RIMS4: variants seen among roughly 807,000 people sequenced by gnomAD.
RIMS4 encodes regulating synaptic membrane exocytosis 4, also known as regulating synaptic membrane exocytosis protein 4.
A neutral mutation model predicts 29.0 loss-of-function variants in RIMS4; 9 were observed. That is an observed-to-expected ratio of 0.31 (90% CI 0.19 to 0.54). The LOEUF is 0.54. RIMS4 is among the 20% of genes least tolerant of loss of function. RIMS4 has a pLI of 0.94. For synonymous variants in RIMS4, 130 were observed against 152.9 expected, an observed-to-expected ratio of 0.85 and a Z score of 1.10; for missense variants, 193 against 365.7, an observed-to-expected ratio of 0.53 and a Z score of 3.85.
chr20:44,774,125 T>C (rs183391736), intron 1 of RIMS4, among the ~76,000 whole-genome samples: 11 of 152,178 alleles, frequency 7.2e-5, no homozygotes, highest in Admixed American at 6.5e-4. Context: ...CTCCTGTGCA[T>C]CCTCTCTTGC....
intron 1 of RIMS4, among the ~76,000 whole-genome samples, chr20:44,785,132 G>A (rs2066202252): frequency 6.6e-6 from 1 of 152,048 alleles, no homozygotes; most frequent in African/African-American, 2.4e-5. Context: ...GTGGATAAAA[G>A]CTACTCTCTC....
At chr20:44,789,200 A>T (rs1254188394) in intron 1 of RIMS4, among the ~76,000 whole-genome samples, 1 of 152,168 alleles carries the variant, frequency 6.6e-6, no homozygotes, top group Non-Finnish European at 1.5e-5. Flanking sequence ...TAAAATCTCT[A>T]TATTTTTTAC....
intron 1 of RIMS4, among the ~76,000 whole-genome samples, chr20:44,802,123 T>C (rs1358515189): frequency 6.6e-6 from 1 of 152,296 alleles, no homozygotes; most frequent in East Asian, 1.9e-4. Context: ...TTGGCGGCCC[T>C]GCTCTAACCC....
chr20:44,785,679 GCTC>G (rs1163857815), intron 1 of RIMS4, among the ~76,000 whole-genome samples: 1 of 151,868 alleles, frequency 6.6e-6, no homozygotes, highest in East Asian at 1.9e-4. Flanking sequence ...ACAACTTTCT[GCTC>G]CTCTCTTGAG....
chr20:44,752,741 G>C lies in RIMS4; in HGVS notation c.*3393C>G, dbSNP rs755691357. 8 of 152,424 alleles carry C rather than the reference G, an allele frequency of 5.2e-5. No individual in the cohort carries two copies. Among genetic ancestry groups the C allele is most frequent in the African/African-American group, 7.2e-5 (3 of 41,470 alleles). 9.4% of individuals were successfully genotyped at this position (152,424 alleles called of 1,614,324 possible). ...GGGGAGGACTTGCCTGAAATGAGGC[G>C]CCCACAGCTGCTCCCATTCCCTCAC... On this transcript the variant is annotated 3_prime_UTR_variant, in exon 6 of 6. Coordinates refer to ENST00000372851, the MANE Select transcript of RIMS4 (RefSeq NM_182970.4).
intron 1 of RIMS4, 78 bp downstream of exon 1, chr20:44,810,097 C>G (rs1422291295): frequency 5.7e-6 from 4 of 704,846 alleles, no homozygotes; most frequent in Non-Finnish European, 8.9e-6. Context: ...GGGAGGAGGG[C>G]GCACGGGTCG....
Position 44,806,134 on chromosome 20 carries a change from G to A in RIMS4, c.97+4041C>T, listed in dbSNP as rs566510913. On this transcript the variant is annotated intron_variant, in intron 1 of 5. Transcript: ENST00000372851. Reference sequence around the variant, plus strand: ...GTTGCCATGGCAACCTCCTCCCTGCGCTGGATCGAAGCTTCCATCCTATGG... The same window carrying A: ...GTTGCCATGGCAACCTCCTCCCTGCACTGGATCGAAGCTTCCATCCTATGG... Among the ~76,000 whole-genome samples, 14 of 152,068 alleles carry A rather than the reference G, an allele frequency of 9.2e-5. No individual in the cohort carries two copies. The South Asian group carries it at 2.3e-3, about 25-fold the overall frequency.
At chr20:44,809,239 T>TG (rs1292206267) in intron 1 of RIMS4, among the ~76,000 whole-genome samples, 1 of 151,992 alleles carries the variant, frequency 6.6e-6, no homozygotes, top group Non-Finnish European at 1.5e-5. Flanking sequence ...TGGCATTCTT[T>TG]GGGGAACTCT....
At chr20:44,791,661 TGGCTGGCTG>T (rs2066233320) in intron 1 of RIMS4, among the ~76,000 whole-genome samples, 1 of 152,232 alleles carries the variant, frequency 6.6e-6, no homozygotes, top group South Asian at 2.1e-4. Context: ...GACTGGATCA[TGGCTGGCTG>T]AGGAGGGCTG....
chr20:44,779,451 C>T (rs1248156896), intron 1 of RIMS4, among the ~76,000 whole-genome samples: 1 of 152,210 alleles, frequency 6.6e-6, no homozygotes, highest in Non-Finnish European at 1.5e-5. Context: ...ACAGCACAGA[C>T]TGGTTTTGCT....
chr20:44,797,949 C>T (rs543161986), intron 1 of RIMS4, among the ~76,000 whole-genome samples: 1 of 152,306 alleles, frequency 6.6e-6, no homozygotes, highest in South Asian at 2.1e-4. Context: ...GGTCAGTTGG[C>T]AAACTGGCAG....
At position 44,810,522 on chromosome 20, in the gene RIMS4, C is replaced by CGGCGGCGGCGGCGGCGGT. The variant is rs1411407147; in HGVS notation, c.-252_-251insACCGCCGCCGCCGCCGCC. Among the ~76,000 whole-genome samples the CGGCGGCGGCGGCGGCGGT allele has an allele frequency of 5.6e-5, 8 of 143,630 alleles. No homozygotes were observed. Among genetic ancestry groups the CGGCGGCGGCGGCGGCGGT allele is most frequent in the South Asian group, 2.1e-4 (1 of 4,652 alleles). The allele number at this position is 143,630 out of a possible 152,430, so 94.2% of individuals were successfully genotyped here. ...GCGGCGGCGGCGGCGGCGGTGGCGG[C>CGGCGGCGGCGGCGGCGGT]GGCGGTGGCGGCGCAGCGCGCTCTG... is the stretch of plus-strand genomic sequence containing the variant. On this transcript the variant is annotated 5_prime_UTR_variant, in exon 1 of 6. Coordinates refer to ENST00000372851, the MANE Select transcript of RIMS4 (RefSeq NM_182970.4).
chr20:44,766,143 G>A lies in RIMS4; in HGVS notation c.236+5132C>T, dbSNP rs535206839. Among the ~76,000 whole-genome samples the A allele has an allele frequency of 9.9e-5, 15 of 152,248 alleles. No homozygotes were observed. The East Asian group carries it at 2.1e-3, about 22-fold the overall frequency. On this transcript the variant is annotated intron_variant, in intron 2 of 5. Transcript: ENST00000372851. ...GCCAGAGGAACGGTAGGCCCTACCCGTTCCATTCCACTTCTGCCCACGCCC... is the reference window on the plus strand; with the variant it reads ...GCCAGAGGAACGGTAGGCCCTACCCATTCCATTCCACTTCTGCCCACGCCC...
chr20:44,776,362 TTTC>T (rs2066160248), intron 1 of RIMS4, among the ~76,000 whole-genome samples: 1 of 152,162 alleles, frequency 6.6e-6, no homozygotes, highest in African/African-American at 2.4e-5. Flanking sequence ...GACTCTCCAT[TTTC>T]TGACTCCCTC....
chr20:44,794,339 C>T (rs1290237973), intron 1 of RIMS4, among the ~76,000 whole-genome samples: 2 of 152,330 alleles, frequency 1.3e-5, no homozygotes, highest in Non-Finnish European at 2.9e-5. Flanking sequence ...CAGCCTGGGC[C>T]TTTTCTGGGG....
chr20:44,789,548 C>A (rs1048579907), intron 1 of RIMS4, among the ~76,000 whole-genome samples: 1 of 152,104 alleles, frequency 6.6e-6, no homozygotes, highest in African/African-American at 2.4e-5. Flanking sequence ...CGCCCGTCAT[C>A]ACAATATGAG....
At chr20:44,777,121 T>C (rs1284184664) in intron 1 of RIMS4, among the ~76,000 whole-genome samples, 1 of 152,194 alleles carries the variant, frequency 6.6e-6, no homozygotes, top group East Asian at 1.9e-4. Context: ...TGAAACACAG[T>C]TCTCATCCAC....
In RIMS4 at chr20:44,810,513, C is replaced by T. The variant is rs1180348993; in HGVS notation, c.-242G>A. On this transcript the variant is annotated 5_prime_UTR_variant, in exon 1 of 6. Coordinates refer to ENST00000372851, the MANE Select transcript of RIMS4 (RefSeq NM_182970.4). ...CTGCTGGCGGCGGCGGCGGCGGCGGCGGTGGCGGCGGCGGTGGCGGCGCAG... is the reference window on the plus strand; with the variant it reads ...CTGCTGGCGGCGGCGGCGGCGGCGGTGGTGGCGGCGGCGGTGGCGGCGCAG... Among the ~76,000 whole-genome samples, 5 of 141,082 alleles carry T rather than the reference C, an allele frequency of 3.5e-5. No individual in the cohort carries two copies. The highest frequency in any genetic ancestry group is 2.2e-4 in the South Asian group (1 of 4,650). 92.6% of individuals were successfully genotyped at this position (141,082 alleles called of 152,430 possible). A position where few individuals can be genotyped will look rare whatever the true frequency, so the allele number is the denominator to read the frequency against.
chr20:44,789,995 C>T (rs2066226034), intron 1 of RIMS4, among the ~76,000 whole-genome samples: 1 of 152,264 alleles, frequency 6.6e-6, no homozygotes, highest in Non-Finnish European at 1.5e-5. Context: ...AACTCCTACC[C>T]AGCAGGGAGA....
Sources: gnomAD v4.1 joint callset for allele counts (sites outside exome capture counted in the v4.1 genomes callset) on GRCh38, gnomAD v4.1.1 for gene constraint, MANE v1.5 for transcripts, NCBI Gene and HGNC (gene_info 2026-07-23, HGNC 2026-07-21) for gene names.